CEP57: variants seen among roughly 807,000 people sequenced by gnomAD.
CEP57 encodes centrosomal protein 57, also known as centrosomal protein of 57 kDa.
CEP57 carries 40 observed loss-of-function variants against 68.0 expected under a neutral mutation model. The observed-to-expected ratio is 0.59, with a 90% CI of 0.46 to 0.77. CEP57 has a LOEUF of 0.77. Ranked by LOEUF, CEP57 falls within the 30% of genes least tolerant of loss-of-function variation. The probability of loss-of-function intolerance (pLI) is 0.00; values close to 1 mark genes in which losing one functional copy is unlikely to be tolerated. For missense variants in CEP57, 606 were observed against 580.7 expected (o/e 1.04, Z -0.45); for synonymous variants, 219 against 198.7 (o/e 1.10, Z -0.86).
At chr11:95,827,602 A>G in intron 8 of CEP57, 184 bp from the exon 9 acceptor site, 1 of 662,554 alleles carries the variant, frequency 1.5e-6, no homozygotes, top group Non-Finnish European at 2.4e-6. Flanking sequence ...TTCCATTCTG[A>G]AACATAGTTA....
intron 4 of CEP57, among the ~76,000 whole-genome samples, chr11:95,816,994 G>C (rs981798902): frequency 2.0e-5 from 3 of 151,266 alleles, no homozygotes; most frequent in Non-Finnish European, 4.4e-5. Context: ...CTGGGTGACA[G>C]AGCAAGACCC....
At chr11:95,817,002 C>A (rs1028209412) in intron 4 of CEP57, among the ~76,000 whole-genome samples, 1 of 151,476 alleles carries the variant, frequency 6.6e-6, no homozygotes, top group African/African-American at 2.4e-5. Flanking sequence ...CAGAGCAAGA[C>A]CCCATCTCAA....
In CEP57 at chr11:95,832,358, C is replaced by CA; in HGVS notation, c.*1103dup. On this transcript the variant is annotated 3_prime_UTR_variant, in exon 11 of 11. Coordinates refer to ENST00000325542, the MANE Select transcript of CEP57 (RefSeq NM_014679.5). ...AAAACTAGTACTTAGTTGCCACACT[C>CA]ATGCTTACATAGAAAGAGAGCCCAA... The CA allele has an allele frequency of 6.6e-6, 1 of 152,138 alleles. No individual in the cohort carries two copies. The highest frequency in any genetic ancestry group is 1.9e-4 in the East Asian group (1 of 5,196). 9.4% of individuals were successfully genotyped at this position (152,138 alleles called of 1,614,324 possible).
At chr11:95,819,131 A>G (rs1862420756) in intron 6 of CEP57, among the ~76,000 whole-genome samples, 1 of 152,220 alleles carries the variant, frequency 6.6e-6, no homozygotes, top group Admixed American at 6.5e-5. Flanking sequence ...TTCAATCAGC[A>G]TTTTAAAAAA....
Position 95,821,916 on chromosome 11 carries a change from G to C in CEP57, c.745G>C (p.Ala249Pro). The change falls in exon 7 of 11, where the codon GCA (alanine) becomes CCA (proline). Residue 249 changes from alanine (A) to proline (P), a missense_variant. By Grantham distance (27) the Ala-to-Pro change is conservative. Transcript: ENST00000325542. ...ETNRLIFEDK[A>P]TPCVPNARRI... is the part of the protein sequence containing the mutation. ...AAATAGACTTATCTTTGAAGATAAG[G>C]CAACTCCGTGTGTTCCCAATGCAAG... 6.2e-7 allele frequency: 1 copy of C among 1,612,460 alleles called. No individual in the cohort carries two copies. The highest frequency in any genetic ancestry group is 8.5e-7 in the Non-Finnish European group (1 of 1,179,432).
At chr11:95,799,781 C>A (rs924968782) in intron 2 of CEP57, among the ~76,000 whole-genome samples, 2 of 152,206 alleles carry the variant, frequency 1.3e-5, no homozygotes, top group African/African-American at 4.8e-5. Context: ...ATCTCCCTGC[C>A]TGTTTTCTCC....
intron 2 of CEP57, among the ~76,000 whole-genome samples, chr11:95,807,399 A>T (rs1440695494): frequency 6.6e-6 from 1 of 152,220 alleles, no homozygotes; most frequent in Non-Finnish European, 1.5e-5. Context: ...GCTTCAAACG[A>T]TCGGTGATAA....
Position 95,831,116 on chromosome 11 carries a change from G to T in CEP57, c.1363G>T (p.Gly455Ter). Reference protein sequence around the residue: ...DEERNSSSRSGITGTTNKKDF... With the variant: ...DEERNSSSRS ...AGAAAGAAACAGCAGCAGCCGTTCT[G>T]GAATCACAGGGACCACAAATAAGAA... Residue 455 changes from glycine (G) to a stop codon, truncating the protein, a stop_gained, in exon 11 of 11, where the codon GGA becomes TGA. Transcript: ENST00000325542. LOFTEE classifies it high-confidence loss of function. The T allele has an allele frequency of 6.2e-7, 1 of 1,613,572 alleles. No homozygotes were observed. Among genetic ancestry groups the T allele is most frequent in the Non-Finnish European group, 8.5e-7 (1 of 1,179,618 alleles).
chr11:95,810,702 A>G lies in CEP57; in HGVS notation c.203-2230A>G, dbSNP rs536343242. On this transcript the variant is annotated intron_variant, in intron 2 of 10. Transcript: ENST00000325542. ...ACTGCTCAATGAAATAAAAGAGGAT[A>G]CAAACAAATGGAAGAACATTCCATA... Among the ~76,000 whole-genome samples the G allele has an allele frequency of 3.9e-5, 6 of 152,364 alleles. No individual in the cohort carries two copies. The South Asian group carries it at 8.3e-4, about 21-fold the overall frequency.
At chr11:95,830,744 A>G (rs1350362033) in intron 10 of CEP57, among the ~76,000 whole-genome samples, 1 of 151,914 alleles carries the variant, frequency 6.6e-6, no homozygotes, top group African/African-American at 2.4e-5. Context: ...TACTTTGGCA[A>G]TATTGCCTTA....
At chr11:95,816,053 G>A (rs577159822) in intron 4 of CEP57, among the ~76,000 whole-genome samples, 7 of 151,800 alleles carry the variant, frequency 4.6e-5, no homozygotes, top group African/African-American at 4.8e-5. Flanking sequence ...CCATTCTCAC[G>A]CTGCTATAAA....
chr11:95,806,074 G>A (rs903556091), intron 2 of CEP57, among the ~76,000 whole-genome samples: 1 of 152,158 alleles, frequency 6.6e-6, no homozygotes, highest in Admixed American at 6.5e-5. Flanking sequence ...AAGCACTGAT[G>A]ACTTCTGACC....
In CEP57 at chr11:95,831,513, A is replaced by G. The variant is rs1486888571; in HGVS notation, c.*257A>G. 3.4e-6 allele frequency: 1 copy of G among 293,256 alleles called. No homozygotes were observed. The highest frequency in any genetic ancestry group is 2.2e-5 in the African/African-American group (1 of 45,948). 18.2% of individuals were successfully genotyped at this position (293,256 alleles called of 1,614,324 possible). A position where few individuals can be genotyped will look rare whatever the true frequency, so the allele number is the denominator to read the frequency against. The stretch of plus-strand genomic sequence containing the variant: ...TTGTTGAGATGAGTTTGCTGTACTG[A>G]CGCTGCACTTTGTAAACAGATTACC... On this transcript the variant is annotated 3_prime_UTR_variant, in exon 11 of 11. Coordinates refer to ENST00000325542, the MANE Select transcript of CEP57 (RefSeq NM_014679.5).
chr11:95,808,267 C>T (rs1861898012), intron 2 of CEP57, among the ~76,000 whole-genome samples: 1 of 151,868 alleles, frequency 6.6e-6, no homozygotes, highest in Non-Finnish European at 1.5e-5. Flanking sequence ...AAAAACATGC[C>T]AAATTGTAAA....
intron 8 of CEP57, chr11:95,823,358 A>C (rs532957972): frequency 2.2e-4 from 34 of 152,306 alleles, no homozygotes; most frequent in Non-Finnish European, 4.4e-4. Context: ...GTGTGGGTCT[A>C]CTTACAGGCA....
At chr11:95,822,667 A>G (rs1464056029) in intron 8 of CEP57, 91 bp downstream of exon 8, 10 of 723,198 alleles carry the variant, frequency 1.4e-5, no homozygotes, top group Middle Eastern at 2.7e-4. Flanking sequence ...AATGGAAGGA[A>G]CATTTTTCTG....
At chr11:95,799,734 A>G (rs1443772476) in intron 2 of CEP57, among the ~76,000 whole-genome samples, 2 of 152,098 alleles carry the variant, frequency 1.3e-5, no homozygotes, top group African/African-American at 2.4e-5. Flanking sequence ...GGCTTTCATC[A>G]TCTGTAGCCC....
chr11:95,813,315 C>T lies in CEP57; in HGVS notation c.383-153C>T, dbSNP rs145577384. ...GAATGCAAGGCCAGTTTGACTAGCACGTAGAAAGAATGATTTAGGTAATCT... is the reference window on the plus strand; with the variant it reads ...GAATGCAAGGCCAGTTTGACTAGCATGTAGAAAGAATGATTTAGGTAATCT... On this transcript the variant is annotated intron_variant, in intron 3 of 10. Transcript: ENST00000325542. Among the ~76,000 whole-genome samples the T allele has an allele frequency of 5.9e-5, 9 of 152,230 alleles. No homozygotes were observed. The East Asian group carries it at 1.3e-3, about 23-fold the overall frequency.
intron 8 of CEP57, chr11:95,826,026 C>G (rs1216481459): frequency 6.6e-6 from 1 of 152,098 alleles, no homozygotes; most frequent in Non-Finnish European, 1.5e-5. Context: ...AATGAAAAAG[C>G]AGAAAAGTCA....
Sources: gnomAD v4.1 joint callset for allele counts (sites outside exome capture counted in the v4.1 genomes callset) on GRCh38, gnomAD v4.1.1 for gene constraint, MANE v1.5 for transcripts, NCBI Gene and HGNC (gene_info 2026-07-23, HGNC 2026-07-21) for gene names.